Variants in TMEM220 observed in about 807,000 individuals in gnomAD.
The protein encoded by TMEM220 is transmembrane protein 220.
A neutral mutation model predicts 21.7 loss-of-function variants in TMEM220; 21 were observed. That is an observed-to-expected ratio of 0.97 (90% CI 0.69 to 1.39). The LOEUF is 1.39. TMEM220 is among the 40% of genes most tolerant of loss of function. The pLI, the probability that TMEM220 is intolerant of heterozygous loss-of-function variation, is 0.00. For missense variants in TMEM220, 191 were observed against 201.9 expected, an observed-to-expected ratio of 0.95 and a Z score of 0.33; for synonymous variants, 80 against 73.6, an observed-to-expected ratio of 1.09 and a Z score of -0.45.
At chr17:10,718,247 GTTC>G (rs1248126673) in intron 5 of TMEM220, among the ~76,000 whole-genome samples, 2 of 152,112 alleles carry the variant, frequency 1.3e-5, no homozygotes, top group Admixed American at 6.5e-5. Flanking sequence ...TTGGTGTAAA[GTTC>G]TTCATCATAT....
At chr17:10,717,355 C>T (rs760937014) in intron 5 of TMEM220, among the ~76,000 whole-genome samples, 3 of 152,188 alleles carry the variant, frequency 2.0e-5, no homozygotes, top group Admixed American at 6.5e-5. Context: ...CTCCTACGCC[C>T]ATTTTCTAAG....
At chr17:10,721,116 G>A (rs2074983515) in intron 5 of TMEM220, among the ~76,000 whole-genome samples, 1 of 152,134 alleles carries the variant, frequency 6.6e-6, no homozygotes, top group Non-Finnish European at 1.5e-5. Context: ...TTCCAGGTCT[G>A]TGGCCTAAAA....
intron 4 of TMEM220, 35 bp from the exon 5 acceptor site, chr17:10,723,364 G>C: frequency 6.4e-7 from 1 of 1,561,490 alleles, no homozygotes; most frequent in African/African-American, 1.4e-5. Flanking sequence ...TTTTGGAAGT[G>C]GCTACAAGTG....
intron 4 of TMEM220, among the ~76,000 whole-genome samples, chr17:10,723,967 C>T (rs2075021310): frequency 6.6e-6 from 1 of 152,202 alleles, no homozygotes; most frequent in Non-Finnish European, 1.5e-5. Flanking sequence ...AACCCATGGG[C>T]TTCATGCTGG....
intron 5 of TMEM220, among the ~76,000 whole-genome samples, chr17:10,718,782 C>A (rs1262488881): frequency 2.0e-5 from 3 of 152,124 alleles, no homozygotes; most frequent in African/African-American, 7.2e-5. Flanking sequence ...TTAACTGCAC[C>A]GTGGTCAAAT....
chr17:10,726,208 G>T lies in TMEM220; in HGVS notation c.159C>A (p.Val53=). The T allele has an allele frequency of 5.0e-6, 8 of 1,613,578 alleles. No individual in the cohort carries two copies. Among genetic ancestry groups the T allele is most frequent in the Non-Finnish European group, 6.8e-6 (8 of 1,179,530 alleles). ...TTTAGAATGCAAGGCTTATACCTGT[G>T]ACTTCAGGGTTAAGTCCAACAAGCA... The part of the protein sequence containing the change: ...LTLLVGLNPE[V]TGNVIWKSIS... The change falls in exon 3 of 6, where the codon GTC becomes GTA. Residue 53 remains valine, a synonymous_variant. Coordinates refer to ENST00000341871, the MANE Select transcript of TMEM220 (RefSeq NM_001004313.3).
At chr17:10,718,438 T>A (rs2074949444) in intron 5 of TMEM220, among the ~76,000 whole-genome samples, 1 of 152,192 alleles carries the variant, frequency 6.6e-6, no homozygotes, top group East Asian at 1.9e-4. Context: ...TTTATGTTGA[T>A]TTTTTATTTC....
intron 5 of TMEM220, among the ~76,000 whole-genome samples, chr17:10,718,911 T>G (rs138569572): frequency 6.6e-6 from 1 of 152,362 alleles, no homozygotes; most frequent in East Asian, 1.9e-4. Context: ...ATCCTGCCAT[T>G]CTTGGTTTAT....
At chr17:10,723,441 C>T in intron 4 of TMEM220, 112 bp from the exon 5 acceptor site, 2 of 778,642 alleles carry the variant, frequency 2.6e-6, no homozygotes, top group Non-Finnish European at 4.7e-6. Context: ...GACTGACTCT[C>T]CCTCAAGATC....
chr17:10,715,600 CAA>C lies in TMEM220; in HGVS notation c.348-14_348-13del. The C allele has an allele frequency of 6.4e-7, 1 of 1,552,938 alleles. No individual in the cohort carries two copies. Among genetic ancestry groups the C allele is most frequent in the Non-Finnish European group, 8.6e-7 (1 of 1,159,528 alleles). ...CACCAACTGGATTCCTATAAAGACA[CAA>C]AAATTATTATAAATAAAAATCATGG... On this transcript the variant is annotated splice_polypyrimidine_tract_variant and intron_variant, in intron 5 of 5. Transcript: ENST00000341871.
chr17:10,721,099 C>T (rs535648062), intron 5 of TMEM220, among the ~76,000 whole-genome samples: 1 of 152,280 alleles, frequency 6.6e-6, no homozygotes, highest in South Asian at 2.1e-4. Context: ...ATTGCAAACA[C>T]TGTTGATTCC....
intron 5 of TMEM220, among the ~76,000 whole-genome samples, chr17:10,720,089 G>C (rs2074969381): frequency 6.6e-6 from 1 of 152,210 alleles, no homozygotes. Context: ...TGGGGAAACA[G>C]ACACTGTTAG....
Position 10,725,096 on chromosome 17 carries a change from G to GT in TMEM220, c.201dup (p.Leu68ThrfsTer25). ...CCAACAGCCCACACCGTACAAAAGA[G>GT]TATGTGTATTGCAGAGATACTTTTC... is the stretch of plus-strand genomic sequence containing the variant. On this transcript the variant is annotated frameshift_variant, in exon 4 of 6. Transcript: ENST00000341871. LOFTEE classifies it high-confidence loss of function. 1.2e-6 allele frequency: 2 copies of GT among 1,614,064 alleles called. No homozygotes were observed. Among genetic ancestry groups the GT allele is most frequent in the African/African-American group, 2.7e-5 (2 of 75,000 alleles).
chr17:10,729,182 G>C (rs421541), intron 1 of TMEM220, 122 bp from the exon 2 acceptor site: 1 of 1,076,300 alleles, frequency 9.3e-7, no homozygotes, highest in Non-Finnish European at 1.4e-6. Flanking sequence ...GGCATCGAGG[G>C]TACAAAATCT....
At position 10,713,398 on chromosome 17, in the gene TMEM220, T is replaced by C. The variant is rs929043388; in HGVS notation, c.*2055A>G. ...TGCCTTTTATATGCTTAACTGAAGA[T>C]GCGAAAGAGACTATGAATAGTCACA... On this transcript the variant is annotated 3_prime_UTR_variant, in exon 6 of 6. Transcript: ENST00000341871. 28 of 152,192 alleles carry C rather than the reference T, an allele frequency of 1.8e-4. No individual in the cohort carries two copies. The highest frequency in any genetic ancestry group is 6.3e-4 in the African/African-American group (26 of 41,556). The allele number at this position is 152,192 out of a possible 1,614,324, so 9.4% of individuals were successfully genotyped here.
Position 10,719,255 on chromosome 17 carries a change from TTCTA to T in TMEM220, c.348-3671_348-3668del, listed in dbSNP as rs199750651. ...CTTCATAACATTACACCAGGATAAA[TTCTA>T]TCTATCTATTTATTTATTTATTCAT... On this transcript the variant is annotated intron_variant, in intron 5 of 5. Transcript: ENST00000341871. 9.5e-4 allele frequency among the ~76,000 whole-genome samples: 144 copies of T among 152,272 alleles called. 1 individual carries two copies. In the East Asian group the frequency reaches 0.022, roughly 23 times the overall value.
At position 10,725,144 on chromosome 17, in the gene TMEM220, G is replaced by C. The variant is rs779770244; in HGVS notation, c.164-10C>G. ...TTCCAAATAACATTACCTAAAAATAGATGTTCTGATGTTGTTAACCACGGA... is the reference window on the plus strand; with the variant it reads ...TTCCAAATAACATTACCTAAAAATACATGTTCTGATGTTGTTAACCACGGA... On this transcript the variant is annotated splice_polypyrimidine_tract_variant and intron_variant, in intron 3 of 5. Transcript: ENST00000341871. The C allele has an allele frequency of 3.1e-6, 5 of 1,612,582 alleles. No individual in the cohort carries two copies. The highest frequency in any genetic ancestry group is 3.3e-4 in the Middle Eastern group (2 of 6,056).
chr17:10,721,604 C>CAAA (rs1194075248), intron 5 of TMEM220, among the ~76,000 whole-genome samples: 1 of 35,804 alleles, frequency 2.8e-5, no homozygotes, highest in East Asian at 7.5e-4. Context: ...GACTCTGTCT[C>CAAA]AAAAAAAAAA....
chr17:10,720,462 G>A (rs563775164), intron 5 of TMEM220, among the ~76,000 whole-genome samples: 2 of 152,188 alleles, frequency 1.3e-5, no homozygotes, highest in East Asian at 3.9e-4. Context: ...TAGATAAGCA[G>A]GAATACAACT....
Sources: gnomAD v4.1 joint callset for allele counts (sites outside exome capture counted in the v4.1 genomes callset) on GRCh38, gnomAD v4.1.1 for gene constraint, MANE v1.5 for transcripts, NCBI Gene and HGNC (gene_info 2026-07-23, HGNC 2026-07-21) for gene names.